TMEFF1: variants seen among roughly 807,000 people sequenced by gnomAD.
TMEFF1 encodes transmembrane protein with EGF like and two follistatin like domains 1.
TMEFF1 carries 20 observed loss-of-function variants against 47.5 expected under a neutral mutation model. The observed-to-expected ratio is 0.42, with a 90% CI of 0.30 to 0.61. The LOEUF is 0.61. Among genes scored for constraint, TMEFF1 ranks in the 20% least tolerant of loss-of-function variants. The pLI, the probability that TMEFF1 is intolerant of heterozygous loss-of-function variation, is 0.19. For missense variants in TMEFF1, 411 were observed against 471.1 expected (o/e 0.87, Z 1.18); for synonymous variants, 162 against 166.3 (o/e 0.97, Z 0.20).
At chr9:100,531,668 T>G (rs1308971781) in intron 5 of TMEFF1, among the ~76,000 whole-genome samples, 2 of 152,108 alleles carry the variant, frequency 1.3e-5, no homozygotes, top group Admixed American at 6.5e-5. Context: ...CTGCCCAAGG[T>G]AATTTACAGA....
At chr9:100,527,547 G>C (rs924285199) in intron 5 of TMEFF1, among the ~76,000 whole-genome samples, 5 of 152,156 alleles carry the variant, frequency 3.3e-5, no homozygotes, top group Admixed American at 3.3e-4. Context: ...TTAAAAAACG[G>C]CACACCACGA....
intron 1 of TMEFF1, among the ~76,000 whole-genome samples, chr9:100,485,242 A>G (rs2118260878): frequency 6.6e-6 from 1 of 152,266 alleles, no homozygotes; most frequent in East Asian, 1.9e-4. Context: ...TTTGACTATT[A>G]TGAATAATGC....
chr9:100,540,535 G>C (rs1838609441), intron 5 of TMEFF1, among the ~76,000 whole-genome samples: 1 of 152,192 alleles, frequency 6.6e-6, no homozygotes, highest in Non-Finnish European at 1.5e-5. Context: ...AGCAGAGGGA[G>C]CTGGCTCCGG....
chr9:100,513,885 GTTTAA>G (rs1227390388), intron 4 of TMEFF1, among the ~76,000 whole-genome samples: 1 of 152,106 alleles, frequency 6.6e-6, no homozygotes, highest in African/African-American at 2.4e-5. Flanking sequence ...GGAATTTAGA[GTTTAA>G]TTTAAACCTT....
chr9:100,514,522 A>G (rs751922505), intron 4 of TMEFF1, among the ~76,000 whole-genome samples: 1 of 152,026 alleles, frequency 6.6e-6, no homozygotes, highest in Admixed American at 6.6e-5. Context: ...TCCTATATTA[A>G]AGAAGTGAGA....
intron 7 of TMEFF1, 73 bp from the exon 8 acceptor site, chr9:100,561,324 C>G: frequency 6.4e-7 from 1 of 1,561,550 alleles, no homozygotes. Flanking sequence ...TTTGCTGTTT[C>G]AGAACATTTG....
intron 4 of TMEFF1, among the ~76,000 whole-genome samples, chr9:100,513,806 T>C (rs1310481842): frequency 2.6e-5 from 4 of 152,170 alleles, no homozygotes; most frequent in Admixed American, 6.5e-5. Context: ...GGAATTTTCA[T>C]GGTACAGGGT....
intron 4 of TMEFF1, among the ~76,000 whole-genome samples, chr9:100,514,430 A>G (rs10989124): frequency 0.044 from 6,663 of 152,204 alleles, 319 homozygotes; most frequent in South Asian, 0.22. Context: ...TCCAGATCTT[A>G]GAGCTGGAAC....
intron 5 of TMEFF1, among the ~76,000 whole-genome samples, chr9:100,546,493 A>G (rs1838734975): frequency 6.7e-6 from 1 of 150,218 alleles, no homozygotes; most frequent in Non-Finnish European, 1.5e-5. Flanking sequence ...TCAAGATGAG[A>G]TTTGGGTAAG....
Position 100,498,710 on chromosome 9 carries a change from C to T in TMEFF1, c.197-55C>T, listed in dbSNP as rs574660455. ...ACACACACACACACGCGCACAGACA[C>T]ACACACGTAATAAAAAGCCAAATAT... On this transcript the variant is annotated intron_variant, in intron 1 of 9. Transcript: ENST00000374879. 2.6e-6 allele frequency: 4 copies of T among 1,551,022 alleles called. No homozygotes were observed. In the South Asian group the frequency reaches 4.5e-5, roughly 17 times the overall value.
At chr9:100,538,018 T>A (rs189852742) in intron 5 of TMEFF1, among the ~76,000 whole-genome samples, 57 of 152,182 alleles carry the variant, frequency 3.7e-4, no homozygotes, top group African/African-American at 1.3e-3. Context: ...TGCGCAAAAA[T>A]GAAATGAGCT....
chr9:100,514,408 CA>C (rs1455953950), intron 4 of TMEFF1, among the ~76,000 whole-genome samples: 3 of 151,836 alleles, frequency 2.0e-5, no homozygotes, highest in Non-Finnish European at 4.4e-5. Context: ...TGTGAAGGAT[CA>C]GATAATAAAT....
chr9:100,512,241 A>G (rs1361975396), intron 3 of TMEFF1, among the ~76,000 whole-genome samples: 1 of 152,078 alleles, frequency 6.6e-6, no homozygotes, highest in Non-Finnish European at 1.5e-5. Context: ...AGAAAATGTC[A>G]TTTTGTGGTT....
chr9:100,479,275 T>A (rs759941874), intron 1 of TMEFF1, among the ~76,000 whole-genome samples: 1 of 152,222 alleles, frequency 6.6e-6, no homozygotes, highest in African/African-American at 2.4e-5. Context: ...GGCCTTATAA[T>A]CTTATAGAGG....
chr9:100,542,923 CTTTTTTTT>C (rs34994276), intron 5 of TMEFF1, among the ~76,000 whole-genome samples: 11 of 104,586 alleles, frequency 1.1e-4, no homozygotes, highest in Admixed American at 4.6e-4. Flanking sequence ...CTCTCTCTCT[CTTTTTTTT>C]TTTTTTTTTT....
chr9:100,514,692 A>G (rs1318900022), intron 4 of TMEFF1, among the ~76,000 whole-genome samples: 1 of 89,622 alleles, frequency 1.1e-5, no homozygotes. Flanking sequence ...CTCTACCCCA[A>G]AAAAAAAAAA....
intron 5 of TMEFF1, among the ~76,000 whole-genome samples, chr9:100,542,734 G>A (rs770454616): frequency 6.6e-6 from 1 of 152,022 alleles, no homozygotes; most frequent in Non-Finnish European, 1.5e-5. Context: ...ATTTCAGTAT[G>A]TGGATCCATT....
intron 1 of TMEFF1, among the ~76,000 whole-genome samples, chr9:100,481,818 T>C (rs1837342387): frequency 6.6e-6 from 1 of 152,168 alleles, no homozygotes; most frequent in Non-Finnish European, 1.5e-5. Context: ...AGTCTAGCTC[T>C]GTCACCGGGC....
At chr9:100,540,618 C>A (rs770562862) in intron 5 of TMEFF1, among the ~76,000 whole-genome samples, 11 of 152,216 alleles carry the variant, frequency 7.2e-5, no homozygotes, top group Admixed American at 2.0e-4. Context: ...AGGGCCAGAG[C>A]GGATGTCGAG....
Sources: gnomAD v4.1 joint callset for allele counts (sites outside exome capture counted in the v4.1 genomes callset) on GRCh38, gnomAD v4.1.1 for gene constraint, MANE v1.5 for transcripts, NCBI Gene and HGNC (gene_info 2026-07-23, HGNC 2026-07-21) for gene names.